Variants in SARDH observed in about 807,000 individuals in gnomAD.
The protein encoded by SARDH is sarcosine dehydrogenase.
In SARDH, 95 loss-of-function variants were observed where a neutral mutation model predicts 109.1. The ratio of observed to expected loss-of-function variants is 0.87; its 90% CI spans 0.74 to 1.03. The LOEUF (loss-of-function observed/expected upper bound fraction) is 1.03. SARDH is among the 50% of genes least tolerant of loss of function. The pLI is 0.00. For synonymous variants in SARDH, 572 were observed against 534.8 expected, an observed-to-expected ratio of 1.07 and a Z score of -0.96; for missense variants, 1,267 against 1,287.8, an observed-to-expected ratio of 0.98 and a Z score of 0.25.
At chr9:133,667,194 G>GTTTT (rs59643474) in intron 19 of SARDH, 34 of 322,232 alleles carry the variant, frequency 1.1e-4, no homozygotes, top group South Asian at 2.1e-4. Flanking sequence ...TTCAACTCTG[G>GTTTT]TTTTTTTTTT....
In SARDH at chr9:133,668,374, T is replaced by C. The variant is rs1435458717; in HGVS notation, c.2496-1504A>G. Among the ~76,000 whole-genome samples, 387 of 62,816 alleles carry C rather than the reference T, an allele frequency of 6.2e-3. 7 individuals carry two copies. Among genetic ancestry groups the C allele is most frequent in the Middle Eastern group, 0.022 (2 of 90 alleles). 41.2% of individuals were successfully genotyped at this position (62,816 alleles called of 152,430 possible). On this transcript the variant is annotated intron_variant, in intron 19 of 20. Coordinates refer to ENST00000439388, the MANE Select transcript of SARDH (RefSeq NM_001134707.2). ...CACCCTCCCTCTCCCTCACCCTCAT[T>C]CTCCCTCAGCCTCCCTCTCCCTCTC...
intron 17 of SARDH, among the ~76,000 whole-genome samples, chr9:133,684,104 C>T (rs971377868): frequency 1.3e-5 from 2 of 152,276 alleles, no homozygotes; most frequent in Non-Finnish European, 2.9e-5. Flanking sequence ...ACATGGCTTA[C>T]AGCCCTGCAA....
chr9:133,714,309 G>A (rs1049175147), intron 8 of SARDH, among the ~76,000 whole-genome samples: 1 of 152,180 alleles, frequency 6.6e-6, no homozygotes, highest in Non-Finnish European at 1.5e-5. Flanking sequence ...GGAGAGGCAG[G>A]GCTCCTTGAG....
chr9:133,670,826 TG>T, intron 18 of SARDH, 74 bp from the exon 19 acceptor site: 1 of 1,458,238 alleles, frequency 6.9e-7, no homozygotes, highest in East Asian at 2.5e-5. Context: ...ATGAGGATGC[TG>T]CCTAAACCCA....
Position 133,663,801 on chromosome 9 carries a change from G to A in SARDH, c.*88C>T, listed in dbSNP as rs537376887. 4.2e-5 allele frequency: 65 copies of A among 1,555,110 alleles called. No individual in the cohort carries two copies. The Middle Eastern group carries it at 3.3e-3, about 79-fold the overall frequency. ...TAAGGACAGGGAGGGCACAAGTTCT[G>A]GCTGGGTCCAGGGTCCTGGGACCCA... On this transcript the variant is annotated 3_prime_UTR_variant, in exon 21 of 21. Coordinates refer to ENST00000439388, the MANE Select transcript of SARDH (RefSeq NM_001134707.2).
At chr9:133,706,666 G>C (rs1831706566) in intron 11 of SARDH, among the ~76,000 whole-genome samples, 1 of 152,186 alleles carries the variant, frequency 6.6e-6, no homozygotes, top group Non-Finnish European at 1.5e-5. Flanking sequence ...AACAGAGTGG[G>C]AGGTTTCTTT....
In SARDH at chr9:133,704,092, A is replaced by G. The variant is rs1260290570; in HGVS notation, c.1554+856T>C. Among the ~76,000 whole-genome samples, 2 of 152,032 alleles carry G rather than the reference A, an allele frequency of 1.3e-5. No homozygotes were observed. The highest frequency in any genetic ancestry group is 4.8e-5 in the African/African-American group (2 of 41,386). On this transcript the variant is annotated intron_variant, in intron 12 of 20. Transcript: ENST00000439388. This position sits in a 1 kb window ranked among gnomAD's most constrained non-coding sequence, Gnocchi z 4.5. Reference sequence around the variant, plus strand: ...ACCCCTCCTCCCCGCAGGGTTCATGAGGACGGCATGTCCCTAGGGGCCAGC... The same window carrying G: ...ACCCCTCCTCCCCGCAGGGTTCATGGGGACGGCATGTCCCTAGGGGCCAGC...
Position 133,668,105 on chromosome 9 carries a change from C to A in SARDH, c.2496-1235G>T, listed in dbSNP as rs576243995. Among the ~76,000 whole-genome samples the A allele has an allele frequency of 2.6e-3, 398 of 151,956 alleles. 2 individuals carry two copies. Among genetic ancestry groups the A allele is most frequent in the African/African-American group, 9.2e-3 (379 of 41,398 alleles). On this transcript the variant is annotated intron_variant, in intron 19 of 20. Coordinates refer to ENST00000439388, the MANE Select transcript of SARDH (RefSeq NM_001134707.2). ...GGTACTTCATGGAGGGCCAGAAGGT[C>A]GGGGTCAGGCAAGCAGAAAGGACCC...
chr9:133,671,595 CA>C lies in SARDH; in HGVS notation c.2265del (p.Ala756ProfsTer16). The part of the protein sequence containing the change: ...VPVYRAVMAA[G>X]AKHGLINAGY... ...CCTGCGTTGATGAGGCCGTGCTTGG[CA>C]CCCGCGGCCATCACAGCCCGGTACA... On this transcript the variant is annotated frameshift_variant, in exon 18 of 21. Transcript: ENST00000439388. LOFTEE classifies it high-confidence loss of function. 1 of 1,605,448 alleles carries C rather than the reference CA, an allele frequency of 6.2e-7. No homozygotes were observed. Among genetic ancestry groups the C allele is most frequent in the South Asian group, 1.1e-5 (1 of 89,478 alleles).
At chr9:133,727,833 T>C (rs995245605) in intron 6 of SARDH, among the ~76,000 whole-genome samples, 4 of 152,096 alleles carry the variant, frequency 2.6e-5, no homozygotes, top group Non-Finnish European at 5.9e-5. Flanking sequence ...CTAGGCCAAC[T>C]CTGCCTTGCT....
intron 11 of SARDH, among the ~76,000 whole-genome samples, chr9:133,705,940 C>A (rs1831680758): frequency 6.6e-6 from 1 of 152,188 alleles, no homozygotes; most frequent in Non-Finnish European, 1.5e-5. Context: ...GACTACAAGC[C>A]AGGAGAGCCC....
At chr9:133,672,205 C>T (rs1412715723) in intron 17 of SARDH, among the ~76,000 whole-genome samples, 1 of 152,212 alleles carries the variant, frequency 6.6e-6, no homozygotes, top group Non-Finnish European at 1.5e-5. Flanking sequence ...ATTTCTGCCT[C>T]AGCCCTCACA....
At chr9:133,673,941 G>T (rs1830435209) in intron 17 of SARDH, among the ~76,000 whole-genome samples, 1 of 152,218 alleles carries the variant, frequency 6.6e-6, no homozygotes, top group Admixed American at 6.5e-5. Flanking sequence ...AGCTCAGCGA[G>T]GATGGGGTCA....
intron 13 of SARDH, among the ~76,000 whole-genome samples, chr9:133,700,537 G>A (rs1831443412): frequency 6.6e-6 from 1 of 152,066 alleles, no homozygotes; most frequent in Non-Finnish European, 1.5e-5. Flanking sequence ...GGGTTGCCCT[G>A]GGCTGGGGAT....
Position 133,671,665 on chromosome 9 carries a change from C to A in SARDH, c.2196G>T (p.Glu732Asp), listed in dbSNP as rs1389041719. ...VRAMRLSFVG[E>D]LGWELHIPKA... ...TTGGAATGTGCAGCTCCCAGCCCAGCTCCCCCACAAAGGACAGCCGCATGG... is the reference window on the plus strand; with the variant it reads ...TTGGAATGTGCAGCTCCCAGCCCAGATCCCCCACAAAGGACAGCCGCATGG... The change falls in exon 18 of 21, where the codon GAG (glutamate) becomes GAT (aspartate). Residue 732 changes from glutamate (E) to aspartate (D), a missense_variant. By Grantham distance (45) the Glu-to-Asp change is conservative. Transcript: ENST00000439388. 1 of 1,589,928 alleles carries A rather than the reference C, an allele frequency of 6.3e-7. No homozygotes were observed. The highest frequency in any genetic ancestry group is 1.8e-5 in the Admixed American group (1 of 56,774).
chr9:133,681,097 G>A (rs1331194411), intron 17 of SARDH, among the ~76,000 whole-genome samples: 2 of 152,244 alleles, frequency 1.3e-5, no homozygotes, highest in African/African-American at 4.8e-5. Flanking sequence ...ACGAGCTCCT[G>A]GCTGGGGCTG....
rs2427997 is a variant in SARDH at position 133,698,022 on chromosome 9, G to T, written c.1669-1661C>A. On this transcript the variant is annotated intron_variant, in intron 13 of 20. Coordinates refer to ENST00000439388, the MANE Select transcript of SARDH (RefSeq NM_001134707.2). Reference sequence around the variant, plus strand: ...TAAGGAATCCACTAAAAAAAAAAAAGAAAAAAAAGAAAAAAAACTGTTAGA... The same window carrying T: ...TAAGGAATCCACTAAAAAAAAAAAATAAAAAAAAGAAAAAAAACTGTTAGA... 1.8e-3 allele frequency among the ~76,000 whole-genome samples: 238 copies of T among 129,780 alleles called. 2 individuals carry two copies. The highest frequency in any genetic ancestry group is 3.1e-3 in the Non-Finnish European group (198 of 62,928). The allele number at this position is 129,780 out of a possible 152,430, so 85.1% of individuals were successfully genotyped here.
chr9:133,738,020 C>T (rs1398908511), intron 1 of SARDH, among the ~76,000 whole-genome samples: 2 of 152,178 alleles, frequency 1.3e-5, no homozygotes, highest in Non-Finnish European at 2.9e-5. Context: ...GGGGGTCAAG[C>T]GAGGAGAGCG....
chr9:133,721,571 G>A (rs994827108), intron 6 of SARDH, among the ~76,000 whole-genome samples: 7 of 152,300 alleles, frequency 4.6e-5, no homozygotes, highest in Middle Eastern at 3.4e-3. Context: ...ACCATGCAGC[G>A]GTCAGTCCAA....
Sources: gnomAD v4.1 joint callset for allele counts (sites outside exome capture counted in the v4.1 genomes callset) on GRCh38, gnomAD v4.1.1 for gene constraint, Gnocchi (gnomAD v3.1) non-coding constraint, MANE v1.5 for transcripts, NCBI Gene and HGNC (gene_info 2026-07-23, HGNC 2026-07-21) for gene names.